Variants in FAM222B observed in about 807,000 individuals in gnomAD.
The protein encoded by FAM222B is family with sequence similarity 222 member B, also known as protein FAM222B.
A neutral mutation model predicts 38.0 loss-of-function variants in FAM222B; 12 were observed. That is an observed-to-expected ratio of 0.32 (90% CI 0.20 to 0.51). FAM222B has a LOEUF of 0.51. Among genes scored for constraint, FAM222B ranks in the 20% least tolerant of loss-of-function variants. The pLI is 0.97. For missense variants in FAM222B, 716 were observed against 754.2 expected, an observed-to-expected ratio of 0.95 and a Z score of 0.59; for synonymous variants, 329 against 317.2, an observed-to-expected ratio of 1.04 and a Z score of -0.40.
At chr17:28,796,104 G>A (rs1299930713) in intron 1 of FAM222B, among the ~76,000 whole-genome samples, 1 of 152,176 alleles carries the variant, frequency 6.6e-6, no homozygotes, top group East Asian at 1.9e-4. Flanking sequence ...TGTGAAATGT[G>A]TCATACCGGT....
chr17:28,772,207 A>AT, intron 1 of FAM222B, among the ~76,000 whole-genome samples: 1 of 152,106 alleles, frequency 6.6e-6, no homozygotes, highest in Admixed American at 6.5e-5. Flanking sequence ...TGCAGATATC[A>AT]TTTTTTTCCC....
intron 1 of FAM222B, among the ~76,000 whole-genome samples, chr17:28,769,926 T>C (rs1203483793): frequency 1.3e-5 from 2 of 152,216 alleles, no homozygotes; most frequent in Non-Finnish European, 2.9e-5. Flanking sequence ...GGTTTCTGCT[T>C]AAATGTCACT....
intron 1 of FAM222B, among the ~76,000 whole-genome samples, chr17:28,825,242 G>A (rs1272459979): frequency 1.3e-5 from 2 of 151,794 alleles, no homozygotes; most frequent in African/African-American, 4.8e-5. Context: ...AGAACAGACT[G>A]GGCAACATGG....
intron 1 of FAM222B, among the ~76,000 whole-genome samples, chr17:28,821,058 C>T (rs1598016157): frequency 6.6e-6 from 1 of 151,550 alleles, no homozygotes; most frequent in African/African-American, 2.4e-5. Flanking sequence ...TGGGTTCAAG[C>T]GATTCTCCTG....
At chr17:28,760,948 G>A (rs541103918) in intron 2 of FAM222B, among the ~76,000 whole-genome samples, 85 of 152,354 alleles carry the variant, frequency 5.6e-4, no homozygotes, top group Admixed American at 1.6e-3. Flanking sequence ...TTATTTGCTT[G>A]AGAAGGAAGA....
chr17:28,785,287 T>C (rs2036354116), intron 1 of FAM222B, among the ~76,000 whole-genome samples: 1 of 152,206 alleles, frequency 6.6e-6, no homozygotes, highest in African/African-American at 2.4e-5. Flanking sequence ...GAATTTAAAA[T>C]GCCACAAAAT....
intron 1 of FAM222B, among the ~76,000 whole-genome samples, chr17:28,787,578 G>T (rs1319704496): frequency 6.6e-6 from 1 of 152,078 alleles, no homozygotes; most frequent in Admixed American, 6.6e-5. Context: ...GCTTAAAGGG[G>T]CCCGAGAATT....
upstream of FAM222B, among the ~76,000 whole-genome samples, chr17:28,844,219 C>T (rs79732339): frequency 2.0e-5 from 3 of 152,154 alleles, no homozygotes; most frequent in African/African-American, 7.2e-5. Flanking sequence ...TAAACTCTCT[C>T]CTCATCACCA....
chr17:28,792,960 C>T (rs749344894), intron 1 of FAM222B, among the ~76,000 whole-genome samples: 1 of 151,484 alleles, frequency 6.6e-6, no homozygotes, highest in Non-Finnish European at 1.5e-5. Flanking sequence ...CTCTGTTGTC[C>T]AGGCTTCATT....
intron 1 of FAM222B, among the ~76,000 whole-genome samples, chr17:28,839,136 G>A (rs1195048280): frequency 1.3e-5 from 2 of 152,144 alleles, no homozygotes; most frequent in Non-Finnish European, 2.9e-5. Context: ...GAACCCGGGA[G>A]GCGGAGCTTG....
chr17:28,800,336 C>T (rs1034637185), intron 1 of FAM222B, among the ~76,000 whole-genome samples: 1 of 152,020 alleles, frequency 6.6e-6, no homozygotes, highest in Non-Finnish European at 1.5e-5. Flanking sequence ...GCCTATGAGA[C>T]TTTCTTAACT....
At chr17:28,821,384 C>T (rs1477953462) in intron 1 of FAM222B, among the ~76,000 whole-genome samples, 1 of 152,142 alleles carries the variant, frequency 6.6e-6, no homozygotes, top group Non-Finnish European at 1.5e-5. Flanking sequence ...CAATAAAGAA[C>T]TATTATTTAG....
intron 1 of FAM222B, among the ~76,000 whole-genome samples, chr17:28,780,870 G>C (rs1050996332): frequency 6.6e-6 from 1 of 151,464 alleles, no homozygotes; most frequent in Non-Finnish European, 1.5e-5. Context: ...TGACAGGAAT[G>C]AAACTCCGTC....
At chr17:28,845,010 G>A (rs527241069), upstream of FAM222B, among the ~76,000 whole-genome samples, 24 of 152,100 alleles carry the variant, frequency 1.6e-4, no homozygotes, top group Admixed American at 2.6e-4. Context: ...GGCTGAGGCA[G>A]GAAAATCGCT....
Position 28,758,099 on chromosome 17 carries a change from G to A in FAM222B, c.*171C>T, listed in dbSNP as rs1044814880. 2 of 580,480 alleles carry A rather than the reference G, an allele frequency of 3.4e-6. No homozygotes were observed. The highest frequency in any genetic ancestry group is 5.8e-6 in the Non-Finnish European group (2 of 347,580). The allele number at this position is 580,480 out of a possible 1,614,324, so 36.0% of individuals were successfully genotyped here. Reference sequence around the variant, plus strand: ...TAAAACCAAAAGTTGCTGGAGGGGAGGACGAGAGGACCCCTTCTGTCCCCA... The same window carrying A: ...TAAAACCAAAAGTTGCTGGAGGGGAAGACGAGAGGACCCCTTCTGTCCCCA... On this transcript the variant is annotated 3_prime_UTR_variant, in exon 3 of 3. Coordinates refer to ENST00000581407, the MANE Select transcript of FAM222B (RefSeq NM_001077498.3).
upstream of FAM222B, among the ~76,000 whole-genome samples, chr17:28,843,073 T>C (rs1419849096): frequency 6.6e-6 from 1 of 151,892 alleles, no homozygotes; most frequent in African/African-American, 2.4e-5. Context: ...GAATTCTGCA[T>C]CCTACTTGCA....
chr17:28,847,675 G>A (rs1029724526), upstream of FAM222B, among the ~76,000 whole-genome samples: 12 of 151,928 alleles, frequency 7.9e-5, no homozygotes, highest in African/African-American at 2.9e-4. Context: ...AGCGCTTTGG[G>A]AGGCCGATGT....
At position 28,787,484 on chromosome 17, in the gene FAM222B, G is replaced by A. The variant is rs546577336; in HGVS notation, c.-40-20777C>T. On this transcript the variant is annotated intron_variant, in intron 1 of 2. Coordinates refer to ENST00000581407, the MANE Select transcript of FAM222B (RefSeq NM_001077498.3). ...TCACTGAGACTCACTATAACTTGAA[G>A]ATTTATGGTTCACGCTCCACATGTC... 3.1e-3 allele frequency among the ~76,000 whole-genome samples: 476 copies of A among 152,242 alleles called. 8 individuals carry two copies. Among genetic ancestry groups the A allele is most frequent in the Non-Finnish European group, 4.1e-3 (278 of 68,022 alleles).
At chr17:28,849,412 C>G (rs2039167059) in intron 1 of FAM222B, 1 of 152,166 alleles carries the variant, frequency 6.6e-6, no homozygotes, top group Non-Finnish European at 1.5e-5. Flanking sequence ...TACCCCAATT[C>G]CTTCCCTGCT....
Sources: allele counts gnomAD v4.1 joint callset (sites outside exome capture counted in the v4.1 genomes callset), GRCh38; gene constraint gnomAD v4.1.1; transcripts MANE v1.5; gene names NCBI Gene and HGNC (gene_info 2026-07-23, HGNC 2026-07-21).